TMEM140: variants seen among roughly 807,000 people sequenced by gnomAD.
TMEM140 encodes transmembrane protein 140.
For synonymous variants in TMEM140, 107 were observed against 106.8 expected, an observed-to-expected ratio of 1.00 and a Z score of -0.01; for missense variants, 236 against 228.5, an observed-to-expected ratio of 1.03 and a Z score of -0.21.
rs542223742 is a variant in TMEM140 at position 135,163,282 on chromosome 7, T to C, written c.-24-1136T>C. On this transcript the variant is annotated intron_variant, in intron 1 of 1. Transcript: ENST00000275767. ...CATCAGTACAGGAAGAAAATATTGG[T>C]AGAATATTAACAGTGGTTTTATGTG... Among the ~76,000 whole-genome samples the C allele has an allele frequency of 5.9e-5, 9 of 152,326 alleles. No individual in the cohort carries two copies. The South Asian group carries it at 1.9e-3, about 32-fold the overall frequency.
intron 1 of TMEM140, among the ~76,000 whole-genome samples, chr7:135,164,104 A>G (rs1046042727): frequency 4.6e-5 from 7 of 152,246 alleles, no homozygotes; most frequent in African/African-American, 7.2e-5. Context: ...AATGTTTCCA[A>G]TGGCTTGTTG....
intron 1 of TMEM140, among the ~76,000 whole-genome samples, chr7:135,150,791 G>A (rs1829650116): frequency 6.6e-6 from 1 of 152,222 alleles, no homozygotes; most frequent in African/African-American, 2.4e-5. Flanking sequence ...GGGAGGCAGA[G>A]ATTGCAGTGA....
chr7:135,150,699 C>T (rs774375354), intron 1 of TMEM140, among the ~76,000 whole-genome samples: 2 of 152,132 alleles, frequency 1.3e-5, no homozygotes, highest in Non-Finnish European at 1.5e-5. Flanking sequence ...CAAACTGGAC[C>T]GTGGAGTCCT....
intron 1 of TMEM140, among the ~76,000 whole-genome samples, chr7:135,156,688 G>A (rs575714456): frequency 1.1e-4 from 17 of 152,074 alleles, no homozygotes; most frequent in Non-Finnish European, 2.2e-4. Flanking sequence ...TCAATATTTT[G>A]AATTCTTTAT....
intron 1 of TMEM140, among the ~76,000 whole-genome samples, chr7:135,154,262 T>A (rs1460086665): frequency 6.6e-6 from 1 of 152,226 alleles, no homozygotes; most frequent in African/African-American, 2.4e-5. Context: ...TTGTCTATCT[T>A]TTCAAATAAT....
At chr7:135,162,256 C>T (rs1304209780) in intron 1 of TMEM140, among the ~76,000 whole-genome samples, 1 of 152,148 alleles carries the variant, frequency 6.6e-6, no homozygotes, top group African/African-American at 2.4e-5. Context: ...GGCTGTGTAG[C>T]CTTCAGGTCC....
intron 1 of TMEM140, among the ~76,000 whole-genome samples, chr7:135,150,356 C>T (rs111436587): frequency 4.6e-5 from 7 of 152,300 alleles, no homozygotes; most frequent in African/African-American, 9.6e-5. Flanking sequence ...CTTTCCCAAA[C>T]CTTTTCAAAA....
At chr7:135,150,821 A>G (rs960812201) in intron 1 of TMEM140, among the ~76,000 whole-genome samples, 2 of 152,234 alleles carry the variant, frequency 1.3e-5, no homozygotes, top group Non-Finnish European at 2.9e-5. Context: ...GTGCCACTGC[A>G]TTCCACCCTG....
intron 1 of TMEM140, among the ~76,000 whole-genome samples, chr7:135,156,985 C>A (rs1375793553): frequency 1.3e-5 from 2 of 152,214 alleles, no homozygotes; most frequent in Non-Finnish European, 2.9e-5. Flanking sequence ...CTTGCCACCA[C>A]CATATAAGAA....
At chr7:135,162,383 G>C (rs1317164468) in intron 1 of TMEM140, among the ~76,000 whole-genome samples, 1 of 152,214 alleles carries the variant, frequency 6.6e-6, no homozygotes, top group Non-Finnish European at 1.5e-5. Context: ...AAAGCTTGAA[G>C]CTCTGTGTTC....
In TMEM140 at chr7:135,164,737, A is replaced by C. The variant is rs1562928101; in HGVS notation, c.296A>C (p.Gln99Pro). Residue 99 changes from glutamine (Q) to proline (P), a missense_variant, in exon 2 of 2, where the codon CAG becomes CCG. By Grantham distance (76) the Gln-to-Pro change is moderately conservative. Transcript: ENST00000275767. ...CTGGTCCTCACCCTCTTTGCCCCCC[A>C]GCCTCTCCTCCTAGCCCAGTGCAAC... ...GSLVLTLFAP[Q>P]PLLLAQCNSD... 1.9e-6 allele frequency: 3 copies of C among 1,614,046 alleles called. No homozygotes were observed. The highest frequency in any genetic ancestry group is 1.7e-5 in the Admixed American group (1 of 60,010).
rs1829661262 is a variant in TMEM140, at chr7:135,151,336, T to G, written c.-25+3066T>G. On this transcript the variant is annotated intron_variant, in intron 1 of 1. Coordinates refer to ENST00000275767, the MANE Select transcript of TMEM140 (RefSeq NM_018295.5). The surrounding 1 kb of genome is among the most constrained non-coding windows in gnomAD (Gnocchi z 4.3). The stretch of plus-strand genomic sequence containing the variant: ...TCTACCAAAGGAAATATGACACATT[T>G]CCCTTTCTTCTTCCCTTTTTATTTT... Among the ~76,000 whole-genome samples the G allele has an allele frequency of 6.6e-6, 1 of 152,110 alleles. No homozygotes were observed. Among genetic ancestry groups the G allele is most frequent in the South Asian group, 2.1e-4 (1 of 4,836 alleles).
intron 1 of TMEM140, among the ~76,000 whole-genome samples, chr7:135,149,702 GT>G (rs1280113253): frequency 6.6e-6 from 1 of 152,198 alleles, no homozygotes; most frequent in Non-Finnish European, 1.5e-5. Context: ...TTTACCTACA[GT>G]GTTGATAGGG....
chr7:135,155,929 G>T (rs1829781196), intron 1 of TMEM140, among the ~76,000 whole-genome samples: 1 of 152,168 alleles, frequency 6.6e-6, no homozygotes, highest in Non-Finnish European at 1.5e-5. Context: ...CAGTCTAGTG[G>T]TGACAAATTC....
Position 135,151,808 on chromosome 7 carries a change from G to A in TMEM140, c.-25+3538G>A, listed in dbSNP as rs936488658. 1.3e-5 allele frequency among the ~76,000 whole-genome samples: 2 copies of A among 152,168 alleles called. No homozygotes were observed. The highest frequency in any genetic ancestry group is 2.4e-5 in the African/African-American group (1 of 41,424). On this transcript the variant is annotated intron_variant, in intron 1 of 1. Transcript: ENST00000275767. The surrounding 1 kb of genome is among the most constrained non-coding windows in gnomAD (Gnocchi z 4.3). ...TATGACTAGTGAGTGACAGAACGACGACATGCTCCCAGGTCATCTGGCTCT... is the reference window on the plus strand; with the variant it reads ...TATGACTAGTGAGTGACAGAACGACAACATGCTCCCAGGTCATCTGGCTCT...
At chr7:135,159,970 A>G (rs538671214) in intron 1 of TMEM140, among the ~76,000 whole-genome samples, 9 of 152,252 alleles carry the variant, frequency 5.9e-5, no homozygotes, top group Non-Finnish European at 1.0e-4. Flanking sequence ...TATTCACCAT[A>G]GCATTCATAG....
chr7:135,159,759 C>T (rs999560118), intron 1 of TMEM140, among the ~76,000 whole-genome samples: 1 of 152,194 alleles, frequency 6.6e-6, no homozygotes, highest in Non-Finnish European at 1.5e-5. Context: ...ACTGACAGCA[C>T]TTCACAAAAG....
chr7:135,148,583 C>A (rs1363962942), intron 1 of TMEM140, among the ~76,000 whole-genome samples: 1 of 152,176 alleles, frequency 6.6e-6, no homozygotes, highest in East Asian at 1.9e-4. Flanking sequence ...GAGTCTTGCA[C>A]GCAGTGTGTA....
At position 135,165,538 on chromosome 7, in the gene TMEM140, T is replaced by C. The variant is rs1002087725; in HGVS notation, c.*539T>C. 1.2e-5 allele frequency: 2 copies of C among 168,374 alleles called. No individual in the cohort carries two copies. The highest frequency in any genetic ancestry group is 4.8e-5 in the African/African-American group (2 of 41,346). The allele number at this position is 168,374 out of a possible 1,614,324, so 10.4% of individuals were successfully genotyped here. A position where few individuals can be genotyped will look rare whatever the true frequency, so the allele number is the denominator to read the frequency against. The stretch of plus-strand genomic sequence containing the variant: ...AACTCCAACCCCAGAGGTCCAGGAG[T>C]GATCTCTGAGTGACTCAACAAAGAC... On this transcript the variant is annotated 3_prime_UTR_variant, in exon 2 of 2. Coordinates refer to ENST00000275767, the MANE Select transcript of TMEM140 (RefSeq NM_018295.5).
Sources: allele counts gnomAD v4.1 joint callset (sites outside exome capture counted in the v4.1 genomes callset), GRCh38; gene constraint gnomAD v4.1.1; non-coding constraint Gnocchi (gnomAD v3.1); transcripts MANE v1.5; gene names NCBI Gene and HGNC (gene_info 2026-07-23, HGNC 2026-07-21).